Variants in PDIA5 observed in about 807,000 individuals in gnomAD.
PDIA5 encodes protein disulfide isomerase family A member 5, also known as protein disulfide-isomerase A5.
PDIA5 carries 58 observed loss-of-function variants against 77.6 expected under a neutral mutation model. The ratio of observed to expected loss-of-function variants is 0.75; its 90% CI spans 0.61 to 0.93. The LOEUF is 0.93. Among genes scored for constraint, PDIA5 ranks in the 40% least tolerant of loss-of-function variants. The probability of loss-of-function intolerance (pLI) is 0.00; values close to 1 mark genes in which losing one functional copy is unlikely to be tolerated. For missense variants in PDIA5, 630 were observed against 647.7 expected (o/e 0.97, Z 0.30); for synonymous variants, 250 against 252.1 (o/e 0.99, Z 0.08).
intron 3 of PDIA5, among the ~76,000 whole-genome samples, chr3:123,095,208 G>T (rs1020418867): frequency 1.3e-5 from 2 of 152,162 alleles, no homozygotes; most frequent in African/African-American, 4.8e-5. Flanking sequence ...ATAAGGATCG[G>T]GTAAATGAAA....
chr3:123,072,243 C>T (rs1933741753), intron 1 of PDIA5, among the ~76,000 whole-genome samples: 1 of 152,216 alleles, frequency 6.6e-6, no homozygotes, highest in Non-Finnish European at 1.5e-5. Flanking sequence ...GCCAGCTAGA[C>T]ACTCAGGAGC....
intron 13 of PDIA5, among the ~76,000 whole-genome samples, chr3:123,147,006 T>A: frequency 6.6e-6 from 1 of 152,156 alleles, no homozygotes; most frequent in Non-Finnish European, 1.5e-5. Context: ...AGACGGGGTT[T>A]CACCATGTTG....
At chr3:123,073,517 C>T (rs1385644363) in intron 1 of PDIA5, among the ~76,000 whole-genome samples, 2 of 152,228 alleles carry the variant, frequency 1.3e-5, no homozygotes, top group Non-Finnish European at 2.9e-5. Context: ...CTCCAGTTCA[C>T]TGTCCCCTAT....
In PDIA5 at chr3:123,135,257, A is replaced by C. The variant is rs748454769; in HGVS notation, c.910+4641A>C. Among the ~76,000 whole-genome samples the C allele has an allele frequency of 2.2e-4, 34 of 152,256 alleles. 1 individual carries two copies. Among genetic ancestry groups the C allele is most frequent in the South Asian group, 1.9e-3 (9 of 4,824 alleles). ...CAAGCTGCTGTGGCACTACCTGAGT[A>C]GACATCATTTATATGGGGATGTTCA... On this transcript the variant is annotated intron_variant, in intron 11 of 16. Transcript: ENST00000316218.
intron 1 of PDIA5, among the ~76,000 whole-genome samples, chr3:123,081,738 A>T (rs1934011037): frequency 6.6e-6 from 1 of 152,210 alleles, no homozygotes; most frequent in African/African-American, 2.4e-5. Flanking sequence ...CATGGTCTGC[A>T]TTGAATAGTA....
chr3:123,125,317 A>G (rs1363529765), intron 10 of PDIA5, among the ~76,000 whole-genome samples: 1 of 152,178 alleles, frequency 6.6e-6, no homozygotes, highest in African/African-American at 2.4e-5. Context: ...ATGGATTCTC[A>G]TTTAATCCTC....
intron 11 of PDIA5, among the ~76,000 whole-genome samples, chr3:123,141,452 T>C (rs944270819): frequency 4.6e-5 from 7 of 152,340 alleles, no homozygotes; most frequent in African/African-American, 1.7e-4. Flanking sequence ...GGACTTTGCA[T>C]GGACCACTCA....
intron 14 of PDIA5, among the ~76,000 whole-genome samples, chr3:123,152,995 A>T (rs1235907928): frequency 1.3e-5 from 2 of 150,770 alleles, no homozygotes; most frequent in African/African-American, 2.4e-5. Context: ...TACATTAAAT[A>T]AAAAAAATCA....
chr3:123,109,427 TAGA>T (rs1024300786), intron 6 of PDIA5, among the ~76,000 whole-genome samples: 1 of 152,226 alleles, frequency 6.6e-6, no homozygotes, highest in African/African-American at 2.4e-5. Context: ...AAGACAATTT[TAGA>T]AGTGTTTGCA....
chr3:123,082,328 T>C (rs1455751172), intron 1 of PDIA5, among the ~76,000 whole-genome samples: 1 of 152,076 alleles, frequency 6.6e-6, no homozygotes. Flanking sequence ...AGGCCCAAGT[T>C]CTAGTCCTGG....
rs1429995616 is a variant in PDIA5 at position 123,162,034 on chromosome 3, T to TG, written c.*74_*75insG. ...TTTGTTGTTTCTGAATTTCCACATGTTCTGAAGACAAATTTTTTATAGCCG... is the reference window on the plus strand; with the variant it reads ...TTTGTTGTTTCTGAATTTCCACATGTGTCTGAAGACAAATTTTTTATAGCCG... On this transcript the variant is annotated 3_prime_UTR_variant, in exon 17 of 17. Transcript: ENST00000316218. 4.4e-6 allele frequency: 4 copies of TG among 903,616 alleles called. No individual in the cohort carries two copies. The African/African-American group carries it at 6.8e-5, about 15-fold the overall frequency. The allele number at this position is 903,616 out of a possible 1,614,324, so 56.0% of individuals were successfully genotyped here.
intron 8 of PDIA5, among the ~76,000 whole-genome samples, chr3:123,122,211 G>A (rs991430272): frequency 1.3e-5 from 2 of 152,190 alleles, no homozygotes; most frequent in African/African-American, 4.8e-5. Flanking sequence ...GTGATGTAAT[G>A]AGCGAGGAGG....
chr3:123,157,489 G>A (rs1180293592), intron 15 of PDIA5, among the ~76,000 whole-genome samples: 2 of 152,140 alleles, frequency 1.3e-5, no homozygotes, highest in Non-Finnish European at 2.9e-5. Context: ...TGTGTCCCTT[G>A]TTCAGGAATG....
At chr3:123,150,876 G>A (rs554370590) in intron 14 of PDIA5, among the ~76,000 whole-genome samples, 2 of 152,326 alleles carry the variant, frequency 1.3e-5, no homozygotes, top group East Asian at 1.9e-4. Context: ...CACGTCTGCC[G>A]ACATTGGCAT....
intron 11 of PDIA5, among the ~76,000 whole-genome samples, chr3:123,143,414 T>C (rs1248578955): frequency 1.4e-5 from 2 of 147,996 alleles, no homozygotes; most frequent in Non-Finnish European, 3.0e-5. Context: ...AGAGAGGCAC[T>C]GTCTGGTACC....
At chr3:123,108,927 A>G (rs1327421878) in intron 6 of PDIA5, among the ~76,000 whole-genome samples, 1 of 152,076 alleles carries the variant, frequency 6.6e-6, no homozygotes, top group Admixed American at 6.5e-5. Context: ...GGCAAGTGCC[A>G]GGAGAGAGTG....
rs532127512 is a variant in PDIA5 at position 123,105,135 on chromosome 3, C to T, written c.388-1614C>T. On this transcript the variant is annotated intron_variant, in intron 5 of 16. Coordinates refer to ENST00000316218, the MANE Select transcript of PDIA5 (RefSeq NM_006810.4). ...GGGCCAGGACACCCCCCAGAGCAAG[C>T]AGTTCCTAACTTGTTCTGGAGTCCT... 3.9e-5 allele frequency among the ~76,000 whole-genome samples: 6 copies of T among 152,326 alleles called. No homozygotes were observed. In the South Asian group the frequency reaches 1.2e-3, roughly 32 times the overall value.
At chr3:123,127,888 AG>A (rs1408776495) in intron 10 of PDIA5, among the ~76,000 whole-genome samples, 1 of 152,082 alleles carries the variant, frequency 6.6e-6, no homozygotes, top group Admixed American at 6.5e-5. Context: ...GCATGTATTG[AG>A]TGTCTGCTGT....
chr3:123,146,004 C>T (rs911097549), intron 12 of PDIA5, 95 bp from the exon 13 acceptor site: 20 of 1,197,286 alleles, frequency 1.7e-5, no homozygotes, highest in Non-Finnish European at 2.3e-5. Context: ...TCCAGCAGGT[C>T]CAGGATGGGT....
Sources: gnomAD v4.1 joint callset for allele counts (sites outside exome capture counted in the v4.1 genomes callset) on GRCh38, gnomAD v4.1.1 for gene constraint, MANE v1.5 for transcripts, NCBI Gene and HGNC (gene_info 2026-07-23, HGNC 2026-07-21) for gene names.